Variants in SETX observed in about 807,000 individuals in gnomAD.
The protein encoded by SETX is senataxin.
A neutral mutation model predicts 227.2 loss-of-function variants in SETX; 90 were observed. The ratio of observed to expected loss-of-function variants is 0.40; its 90% confidence interval spans 0.33 to 0.47. The LOEUF (loss-of-function observed/expected upper bound fraction) is 0.47. Among genes scored for constraint, SETX ranks in the 20% least tolerant of loss-of-function variants. SETX has a pLI of 0.91. For synonymous variants in SETX, 1,210 were observed against 1,113.2 expected (o/e 1.09, Z -1.73); for missense variants, 3,052 against 3,181.5 (o/e 0.96, Z 0.98).
At position 132,328,253 on chromosome 9, in the gene SETX, G is replaced by C. The variant is rs142020270; in HGVS notation, c.3345C>G (p.Ala1115=). ...DGEKKCLAPI[A]NTTNGQGCTD... ...TACAACCCTGACCATTTGTAGTATT[G>C]GCTATAGGAGCCAAACATTTTTTCT... The change falls in exon 10 of 26, where the codon GCC becomes GCG. Residue 1115 remains alanine (A), a synonymous_variant. Transcript: ENST00000224140. The C allele has an allele frequency of 6.1e-4, 982 of 1,613,812 alleles. 2 individuals carry two copies. Among genetic ancestry groups the C allele is most frequent in the Non-Finnish European group, 7.3e-4 (866 of 1,179,998 alleles).
At chr9:132,270,623 C>T (rs981351816) in intron 24 of SETX, among the ~76,000 whole-genome samples, 2 of 152,212 alleles carry the variant, frequency 1.3e-5, no homozygotes, top group Non-Finnish European at 2.9e-5. Context: ...TATCAATTTC[C>T]TATTTTTACC....
chr9:132,349,525 G>T (rs878903744), intron 2 of SETX, 90 bp from the exon 3 acceptor site: 37 of 1,362,262 alleles, frequency 2.7e-5, no homozygotes, highest in South Asian at 2.3e-4. Context: ...TGTGACCCTG[G>T]TTTCAATTTA....
rs1169442771 is a variant in SETX at position 132,337,144 on chromosome 9, G to A, written c.499-629C>T. ...AGAAATACATACTGAAATATTTTGT[G>A]GATGAAATGCTCTGATATCTAAGAT... On this transcript the variant is annotated intron_variant, in intron 5 of 25. Coordinates refer to ENST00000224140, the MANE Select transcript of SETX (RefSeq NM_015046.7). Among the ~76,000 whole-genome samples the A allele has an allele frequency of 2.0e-5, 3 of 151,790 alleles. No individual in the cohort carries two copies. The East Asian group carries it at 5.8e-4, about 29-fold the overall frequency.
intron 10 of SETX, among the ~76,000 whole-genome samples, chr9:132,315,722 T>C (rs181651610): frequency 2.0e-4 from 30 of 152,340 alleles, no homozygotes; most frequent in Admixed American, 5.2e-4. Context: ...AACTCAATGA[T>C]GACCTCCTTG....
chr9:132,319,171 T>G (rs1460087390), intron 10 of SETX, among the ~76,000 whole-genome samples: 3 of 152,128 alleles, frequency 2.0e-5, no homozygotes, highest in Admixed American at 2.0e-4. Context: ...CTAAGTACTC[T>G]CTCCAAAATT....
chr9:132,344,247 G>A (rs1310045465), intron 4 of SETX, among the ~76,000 whole-genome samples: 2 of 152,130 alleles, frequency 1.3e-5, no homozygotes, highest in East Asian at 3.9e-4. Flanking sequence ...AGGGTCTTGC[G>A]CTGTTGCCCA....
chr9:132,283,225 T>C (rs757029680), intron 19 of SETX, 39 bp downstream of exon 19: 3 of 1,612,014 alleles, frequency 1.9e-6, no homozygotes, highest in African/African-American at 2.7e-5. Context: ...TTACTCCTCA[T>C]AGTAGTAGTC....
intron 11 of SETX, among the ~76,000 whole-genome samples, chr9:132,309,237 G>A (rs1260603019): frequency 6.6e-6 from 1 of 152,160 alleles, no homozygotes; most frequent in Non-Finnish European, 1.5e-5. Context: ...TGTGATATGA[G>A]CCCAAGGGTA....
At chr9:132,354,593 G>A (rs376848197) in intron 1 of SETX, among the ~76,000 whole-genome samples, 2 of 151,680 alleles carry the variant, frequency 1.3e-5, no homozygotes, top group South Asian at 2.1e-4. Context: ...TTTCCACCCC[G>A]AGACCTCCCG....
rs755287426 is a variant in SETX at position 132,327,013 on chromosome 9, C to T, written c.4585G>A (p.Val1529Ile). The change falls in exon 10 of 26, where the codon GTT (valine) becomes ATT (isoleucine). Residue 1529 changes from valine to isoleucine, a missense_variant. Transcript: ENST00000224140. Reference sequence around the variant, plus strand: ...CTTACAGAATCTTCTTCAACCTCAACTGTATCTTTTCCATGAATTAGTTCA... The same window carrying T: ...CTTACAGAATCTTCTTCAACCTCAATTGTATCTTTTCCATGAATTAGTTCA... ...LIELIHGKDT[V>I]EVEEDSVSRP... The T allele has an allele frequency of 3.7e-6, 6 of 1,614,228 alleles. No homozygotes were observed. The highest frequency in any genetic ancestry group is 5.1e-6 in the Non-Finnish European group (6 of 1,180,030).
chr9:132,297,643 G>A (rs911519468), intron 13 of SETX, among the ~76,000 whole-genome samples: 1 of 152,200 alleles, frequency 6.6e-6, no homozygotes, highest in African/African-American at 2.4e-5. Flanking sequence ...TACAGCTCTA[G>A]AGTTTCTAAA....
At chr9:132,347,514 G>A (rs570709991) in intron 3 of SETX, among the ~76,000 whole-genome samples, 1 of 151,922 alleles carries the variant, frequency 6.6e-6, no homozygotes, top group South Asian at 2.1e-4. Context: ...CTTTCACCAT[G>A]ATGGCCAGGC....
intron 22 of SETX, 61 bp downstream of exon 22, chr9:132,276,999 G>T: frequency 1.5e-6 from 2 of 1,365,332 alleles, no homozygotes; most frequent in Non-Finnish European, 2.1e-6. Context: ...ACAGAAATAT[G>T]AATGCAAATC....
At chr9:132,269,153 C>A (rs1452804559) in intron 25 of SETX, among the ~76,000 whole-genome samples, 1 of 152,248 alleles carries the variant, frequency 6.6e-6, no homozygotes, top group Non-Finnish European at 1.5e-5. Context: ...CCTGTCCTGG[C>A]AGAAGAATGC....
chr9:132,342,200 G>A (rs1237643597), intron 5 of SETX, among the ~76,000 whole-genome samples: 1 of 152,146 alleles, frequency 6.6e-6, no homozygotes, highest in Non-Finnish European at 1.5e-5. Flanking sequence ...CTTAGCCAAA[G>A]GGCTATGTCA....
At chr9:132,338,285 G>A (rs867302951) in intron 5 of SETX, among the ~76,000 whole-genome samples, 1 of 151,884 alleles carries the variant, frequency 6.6e-6, no homozygotes, top group Admixed American at 6.6e-5. Flanking sequence ...TAGAGACGGG[G>A]TTTCACCATG....
At chr9:132,294,090 C>A (rs545511506) in intron 15 of SETX, among the ~76,000 whole-genome samples, 45 of 152,116 alleles carry the variant, frequency 3.0e-4, no homozygotes, top group African/African-American at 1.1e-3. Context: ...TTAGTCCTGG[C>A]CCGGCTGTGC....
In SETX at chr9:132,351,244, T is replaced by C. The variant is rs1466754333; in HGVS notation, c.-7-1809A>G. On this transcript the variant is annotated intron_variant, in intron 2 of 25. Coordinates refer to ENST00000224140, the MANE Select transcript of SETX (RefSeq NM_015046.7). ...AACTTCATGGAGGTTTCTCAAACAT[T>C]TGAAGCATGATTTCAGCAGCTAACA... is the stretch of plus-strand genomic sequence containing the variant. Among the ~76,000 whole-genome samples, 5 of 152,086 alleles carry C rather than the reference T, an allele frequency of 3.3e-5. 1 individual carries two copies. Among genetic ancestry groups the C allele is most frequent in the African/African-American group, 2.4e-5 (1 of 41,392 alleles).
At chr9:132,323,328 T>C (rs754637897) in intron 10 of SETX, among the ~76,000 whole-genome samples, 2 of 152,094 alleles carry the variant, frequency 1.3e-5, no homozygotes, top group Non-Finnish European at 2.9e-5. Context: ...GAAAATTAAA[T>C]AAACATATAA....
Sources: allele counts gnomAD v4.1 joint callset (sites outside exome capture counted in the v4.1 genomes callset), GRCh38; gene constraint gnomAD v4.1.1; transcripts MANE v1.5; gene names NCBI Gene and HGNC (gene_info 2026-07-23, HGNC 2026-07-21).